Variants in MTDH observed in about 807,000 individuals in gnomAD.
MTDH encodes protein LYRIC.
A neutral mutation model predicts 72.7 loss-of-function variants in MTDH; 34 were observed. The ratio of observed to expected loss-of-function variants is 0.47; its 90% CI spans 0.36 to 0.62. The LOEUF is 0.62. MTDH is among the 20% of genes least tolerant of loss of function. MTDH has a pLI of 0.00. For synonymous variants in MTDH, 266 were observed against 268.9 expected, an observed-to-expected ratio of 0.99 and a Z score of 0.10; for missense variants, 677 against 699.4, an observed-to-expected ratio of 0.97 and a Z score of 0.36.
At chr8:97,696,865 C>G (rs1281980388) in intron 6 of MTDH, among the ~76,000 whole-genome samples, 1 of 151,524 alleles carries the variant, frequency 6.6e-6, no homozygotes, top group Non-Finnish European at 1.5e-5. Flanking sequence ...CATCTCTAAT[C>G]CCAGCACGTA....
At position 97,727,836 on chromosome 8, in the gene MTDH, A is replaced by G. The variant is rs1323233307; in HGVS notation, c.*3166A>G. The stretch of plus-strand genomic sequence containing the variant: ...GTTTCTCCAGACTGGAATCCTACCT[A>G]TCTGTACCGACAATTGAGCAAACAA... On this transcript the variant is annotated 3_prime_UTR_variant, in exon 12 of 12. Coordinates refer to ENST00000336273, the MANE Select transcript of MTDH (RefSeq NM_178812.4). 6.6e-6 allele frequency: 1 copy of G among 152,140 alleles called. No homozygotes were observed. Among genetic ancestry groups the G allele is most frequent in the Non-Finnish European group, 1.5e-5 (1 of 68,032 alleles). 9.4% of individuals were successfully genotyped at this position (152,140 alleles called of 1,614,324 possible). A position where few individuals can be genotyped will look rare whatever the true frequency, so the allele number is the denominator to read the frequency against.
chr8:97,668,280 G>A (rs1262516811), intron 2 of MTDH, among the ~76,000 whole-genome samples: 1 of 151,740 alleles, frequency 6.6e-6, no homozygotes, highest in African/African-American at 2.4e-5. Flanking sequence ...AAGCTAGACT[G>A]CATCTCAAAA....
intron 2 of MTDH, among the ~76,000 whole-genome samples, chr8:97,686,449 T>G (rs776262915): frequency 6.6e-6 from 1 of 152,192 alleles, no homozygotes; most frequent in Non-Finnish European, 1.5e-5. Flanking sequence ...TTTTAAGGAA[T>G]AAATAAGAAA....
intron 6 of MTDH, among the ~76,000 whole-genome samples, chr8:97,698,989 A>T (rs1206229930): frequency 6.6e-6 from 1 of 152,030 alleles, no homozygotes; most frequent in Non-Finnish European, 1.5e-5. Flanking sequence ...AAAATTTTTT[A>T]AAAATAAGCC....
intron 2 of MTDH, among the ~76,000 whole-genome samples, chr8:97,674,621 A>G (rs1812768085): frequency 6.6e-6 from 1 of 152,238 alleles, no homozygotes; most frequent in Non-Finnish European, 1.5e-5. Flanking sequence ...ACTCTAAAGC[A>G]ATTTTAATTT....
intron 1 of MTDH, among the ~76,000 whole-genome samples, chr8:97,649,468 A>G (rs1274114880): frequency 1.3e-5 from 2 of 152,186 alleles, no homozygotes; most frequent in Non-Finnish European, 2.9e-5. Flanking sequence ...ATAAAATGCA[A>G]AATTCATGAC....
rs962112822 is a variant in MTDH, at chr8:97,644,209, G to A, written c.-298G>A. 3 of 434,954 alleles carry A rather than the reference G, an allele frequency of 6.9e-6. No homozygotes were observed. The highest frequency in any genetic ancestry group is 3.4e-5 in the South Asian group (1 of 29,506). 26.9% of individuals were successfully genotyped at this position (434,954 alleles called of 1,614,324 possible). On this transcript the variant is annotated 5_prime_UTR_variant, in exon 1 of 12. Transcript: ENST00000336273. ...AAGCCGCCATTGTTCCGCCGAGGGAGGACAGCGGGGCCTGGCGCTGGCGCC... is the reference window on the plus strand; with the variant it reads ...AAGCCGCCATTGTTCCGCCGAGGGAAGACAGCGGGGCCTGGCGCTGGCGCC...
rs369416962 is a variant in MTDH, at chr8:97,690,983, C to A, written c.843C>A (p.Val281=). Residue 281 remains valine (V), a synonymous_variant, in exon 6 of 12, where the codon GTC becomes GTA. Transcript: ENST00000336273. The part of the protein sequence containing the change: ...VSSGLNENLT[V]NGGGWNEKSV... ...CAGGATTGAATGAAAACCTCACTGT[C>A]AATGGAGGAGGCTGGAATGAAAAGT... 2.4e-5 allele frequency: 39 copies of A among 1,613,512 alleles called. No individual in the cohort carries two copies. The East Asian group carries it at 4.5e-4, about 18-fold the overall frequency.
chr8:97,694,465 G>A (rs1201132332), intron 6 of MTDH, among the ~76,000 whole-genome samples: 3 of 152,058 alleles, frequency 2.0e-5, no homozygotes, highest in Admixed American at 6.6e-5. Flanking sequence ...CCAAAGTACT[G>A]GGATTACACG....
At chr8:97,656,728 G>A (rs1395652696) in intron 1 of MTDH, among the ~76,000 whole-genome samples, 2 of 151,722 alleles carry the variant, frequency 1.3e-5, no homozygotes, top group Admixed American at 6.6e-5. Flanking sequence ...GGCCAGGTGC[G>A]GTGGCTCACA....
intron 2 of MTDH, among the ~76,000 whole-genome samples, chr8:97,683,223 C>G (rs1161887236): frequency 6.6e-6 from 1 of 151,408 alleles, no homozygotes; most frequent in African/African-American, 2.4e-5. Context: ...TGCCACCACA[C>G]CTGGCTAATT....
intron 2 of MTDH, among the ~76,000 whole-genome samples, chr8:97,664,776 C>G (rs947981051): frequency 2.2e-5 from 3 of 139,154 alleles, no homozygotes; most frequent in African/African-American, 8.0e-5. Context: ...TTTTTCTTTC[C>G]TTTCTTTGTT....
At chr8:97,701,029 C>A (rs1413929960) in intron 7 of MTDH, among the ~76,000 whole-genome samples, 1 of 152,168 alleles carries the variant, frequency 6.6e-6, no homozygotes, top group Non-Finnish European at 1.5e-5. Context: ...CTAGCTTAGA[C>A]AGTAGATACG....
intron 6 of MTDH, among the ~76,000 whole-genome samples, chr8:97,693,475 A>G (rs2468039): frequency 0.17 from 26,519 of 152,054 alleles, 3,470 homozygotes; most frequent in African/African-American, 0.34. Flanking sequence ...CTGGGATTAC[A>G]GGGGCCTGTC....
In MTDH at chr8:97,699,802, G is replaced by A; in HGVS notation, c.1097G>A (p.Trp366Ter). The change falls in exon 7 of 12, where the codon TGG becomes TAG. Residue 366 changes from tryptophan (W) to a stop codon, truncating the protein, a stop_gained. Coordinates refer to ENST00000336273, the MANE Select transcript of MTDH (RefSeq NM_178812.4). LOFTEE classifies it high-confidence loss of function. ...CAGTCTACCACTTCTGATTATCAGTGGGATGTTAGCCGTAATCAACCCTAT... is the reference window on the plus strand; with the variant it reads ...CAGTCTACCACTTCTGATTATCAGTAGGATGTTAGCCGTAATCAACCCTAT... ...VSQSTTSDYQ[W>*]DVSRNQPYID... is the part of the protein sequence containing the mutation. 1 of 1,613,392 alleles carries A rather than the reference G, an allele frequency of 6.2e-7. No individual in the cohort carries two copies. The highest frequency in any genetic ancestry group is 8.5e-7 in the Non-Finnish European group (1 of 1,179,546).
At chr8:97,677,062 A>G (rs1389133480) in intron 2 of MTDH, among the ~76,000 whole-genome samples, 2 of 146,262 alleles carry the variant, frequency 1.4e-5, no homozygotes, top group East Asian at 4.0e-4. Context: ...GCATGCCTAT[A>G]GTCCCAGCTA....
intron 6 of MTDH, among the ~76,000 whole-genome samples, chr8:97,691,510 A>G (rs1252009977): frequency 6.6e-6 from 1 of 152,204 alleles, no homozygotes; most frequent in South Asian, 2.1e-4. Context: ...AATTTCAACA[A>G]TTCTGTTGAG....
intron 1 of MTDH, among the ~76,000 whole-genome samples, chr8:97,660,028 A>T (rs916496499): frequency 6.6e-6 from 1 of 152,124 alleles, no homozygotes; most frequent in Non-Finnish European, 1.5e-5. Flanking sequence ...GCGTGGTGGC[A>T]TGCACCTGTA....
rs147062588 is a variant in MTDH at position 97,657,819 on chromosome 8, T to C, written c.382-3253T>C. On this transcript the variant is annotated intron_variant, in intron 1 of 11. Coordinates refer to ENST00000336273, the MANE Select transcript of MTDH (RefSeq NM_178812.4). The stretch of plus-strand genomic sequence containing the variant: ...CCACTGCACCTGACCAACAACACTT[T>C]CATGTAAAACCCATATTGACAATCA... Among the ~76,000 whole-genome samples, 19 of 152,346 alleles carry C rather than the reference T, an allele frequency of 1.2e-4. No homozygotes were observed. In the East Asian group the frequency reaches 3.7e-3, roughly 29 times the overall value.
Sources: allele counts gnomAD v4.1 joint callset (sites outside exome capture counted in the v4.1 genomes callset), GRCh38; gene constraint gnomAD v4.1.1; transcripts MANE v1.5; gene names NCBI Gene and HGNC (gene_info 2026-07-23, HGNC 2026-07-21).